The following GPR158 variants were observed in gnomAD, a reference collection of about 807,000 sequenced individuals.
The protein encoded by GPR158 is G protein-coupled receptor 158.
A neutral mutation model predicts 78.2 loss-of-function variants in GPR158; 30 were observed. The ratio of observed to expected loss-of-function variants is 0.38; its 90% CI spans 0.29 to 0.52. The LOEUF (loss-of-function observed/expected upper bound fraction) is 0.52, where lower values mean the gene tolerates loss of function less well. Among genes scored for constraint, GPR158 ranks in the 20% least tolerant of loss-of-function variants. The pLI, the probability that GPR158 is intolerant of heterozygous loss-of-function variation, is 0.83. For missense variants in GPR158, 1,463 were observed against 1,523.5 expected (o/e 0.96, Z 0.66); for synonymous variants, 581 against 591.1 (o/e 0.98, Z 0.25).
intron 2 of GPR158, among the ~76,000 whole-genome samples, chr10:25,225,624 C>CT (rs1853362708): frequency 6.6e-6 from 1 of 152,134 alleles, no homozygotes; most frequent in East Asian, 1.9e-4. Context: ...CTAGTATTTT[C>CT]TTTTTGCATG....
intron 4 of GPR158, among the ~76,000 whole-genome samples, chr10:25,462,496 G>A: frequency 6.6e-6 from 1 of 152,136 alleles, no homozygotes; most frequent in East Asian, 1.9e-4. Flanking sequence ...CATTTTGTAA[G>A]GCGATCGTTG....
intron 1 of GPR158, among the ~76,000 whole-genome samples, chr10:25,219,786 AGAGAT>A: frequency 6.6e-6 from 1 of 152,260 alleles, no homozygotes; most frequent in East Asian, 1.9e-4. Flanking sequence ...AAAGGAGAAA[AGAGAT>A]GAGAGAAATG....
chr10:25,583,851 A>G (rs1296536584), intron 7 of GPR158, among the ~76,000 whole-genome samples: 1 of 152,236 alleles, frequency 6.6e-6, no homozygotes, highest in African/African-American at 2.4e-5. Flanking sequence ...CGCCTTTGCA[A>G]CAGGGTAAAT....
At chr10:25,268,821 C>T (rs1240801313) in intron 2 of GPR158, among the ~76,000 whole-genome samples, 2 of 152,162 alleles carry the variant, frequency 1.3e-5, no homozygotes, top group African/African-American at 4.8e-5. Context: ...TCATTGCTAT[C>T]CAGCAAATTC....
intron 5 of GPR158, among the ~76,000 whole-genome samples, chr10:25,484,212 T>C (rs1835702731): frequency 6.6e-6 from 1 of 152,206 alleles, no homozygotes; most frequent in Non-Finnish European, 1.5e-5. Context: ...ACACACACCC[T>C]GCAGCCTTGG....
chr10:25,393,585 C>T (rs759851595), intron 2 of GPR158: 8 of 152,206 alleles, frequency 5.3e-5, no homozygotes, highest in Non-Finnish European at 8.8e-5. Context: ...TGTCCCGAGT[C>T]TCACCACTTG....
intron 2 of GPR158, among the ~76,000 whole-genome samples, chr10:25,277,159 C>G (rs1854194851): frequency 6.6e-6 from 1 of 152,026 alleles, no homozygotes; most frequent in African/African-American, 2.4e-5. Context: ...CCATGTTGCC[C>G]AGGCTGGTCT....
chr10:25,178,285 T>C (rs889475918), intron 1 of GPR158, among the ~76,000 whole-genome samples: 3 of 152,224 alleles, frequency 2.0e-5, no homozygotes, highest in African/African-American at 7.2e-5. Flanking sequence ...TCATATCATA[T>C]GTACCACCAT....
intron 5 of GPR158, among the ~76,000 whole-genome samples, chr10:25,520,759 A>G (rs1836252452): frequency 6.6e-6 from 1 of 152,144 alleles, no homozygotes; most frequent in Non-Finnish European, 1.5e-5. Context: ...GTGCTGGGAG[A>G]ACCACTGCTC....
intron 6 of GPR158, among the ~76,000 whole-genome samples, chr10:25,553,001 T>G (rs1377237848): frequency 6.6e-6 from 1 of 152,198 alleles, no homozygotes; most frequent in Non-Finnish European, 1.5e-5. Context: ...GAAGAGCAGA[T>G]CAGGCTTCAG....
intron 4 of GPR158, among the ~76,000 whole-genome samples, chr10:25,422,431 T>C (rs1834763578): frequency 1.3e-5 from 2 of 152,146 alleles, no homozygotes; most frequent in South Asian, 4.2e-4. Context: ...TGATCTGAGG[T>C]GGAAAAGTTT....
chr10:25,533,642 C>T (rs972809232), intron 5 of GPR158, among the ~76,000 whole-genome samples: 15 of 151,982 alleles, frequency 9.9e-5, no homozygotes, highest in Non-Finnish European at 1.6e-4. Flanking sequence ...TTATTTTTAC[C>T]TTGTCGGCAG....
intron 5 of GPR158, among the ~76,000 whole-genome samples, chr10:25,533,887 A>ATTCC (rs1836456938): frequency 6.6e-6 from 1 of 152,192 alleles, no homozygotes; most frequent in Non-Finnish European, 1.5e-5. Context: ...CCTGGGGCAA[A>ATTCC]TTCCTTAACT....
chr10:25,540,945 A>AATAT (rs57800341), intron 5 of GPR158, among the ~76,000 whole-genome samples: 211 of 82,864 alleles, frequency 2.5e-3, no homozygotes, highest in South Asian at 6.2e-3. Context: ...GTATAATAAA[A>AATAT]ATATATATAT....
intron 5 of GPR158, among the ~76,000 whole-genome samples, chr10:25,477,142 A>G (rs1459023125): frequency 2.0e-5 from 3 of 152,064 alleles, no homozygotes; most frequent in Non-Finnish European, 4.4e-5. Context: ...ATGTAGAAAA[A>G]ACCCATCCAG....
chr10:25,453,142 C>T (rs545191589), intron 4 of GPR158, among the ~76,000 whole-genome samples: 10 of 152,294 alleles, frequency 6.6e-5, no homozygotes, highest in African/African-American at 2.4e-4. Context: ...GACTCTAAGG[C>T]TGATTTCATA....
chr10:25,297,998 C>T (rs1249973547), intron 2 of GPR158, among the ~76,000 whole-genome samples: 2 of 152,208 alleles, frequency 1.3e-5, no homozygotes, highest in Non-Finnish European at 2.9e-5. Context: ...CTCTGAACCT[C>T]AGGTCCCATC....
chr10:25,457,905 G>A (rs1176390478), intron 4 of GPR158, among the ~76,000 whole-genome samples: 1 of 152,158 alleles, frequency 6.6e-6, no homozygotes, highest in Non-Finnish European at 1.5e-5. Flanking sequence ...GAATTGACAA[G>A]CATCTCATGT....
intron 2 of GPR158, among the ~76,000 whole-genome samples, chr10:25,282,881 A>G (rs909709668): frequency 6.6e-6 from 1 of 152,000 alleles, no homozygotes; most frequent in African/African-American, 2.4e-5. Flanking sequence ...CTTATTTGTG[A>G]TATCTGATTA....
Sources: gnomAD v4.1 joint callset for allele counts (sites outside exome capture counted in the v4.1 genomes callset) on GRCh38, gnomAD v4.1.1 for gene constraint, MANE v1.5 for transcripts, NCBI Gene and HGNC (gene_info 2026-07-23, HGNC 2026-07-21) for gene names.